Variants in PARD3 observed in about 807,000 individuals in gnomAD.
The protein encoded by PARD3 is par-3 family cell polarity regulator.
A neutral mutation model predicts 155.4 loss-of-function variants in PARD3; 75 were observed. The ratio of observed to expected loss-of-function variants is 0.48; its 90% CI spans 0.40 to 0.58. The LOEUF (loss-of-function observed/expected upper bound fraction) is 0.58, where lower values mean the gene tolerates loss of function less well. Ranked by LOEUF, PARD3 falls within the 20% of genes least tolerant of loss-of-function variation. The pLI is 0.00. For synonymous variants in PARD3, 576 were observed against 610.5 expected (o/e 0.94, Z 0.83); for missense variants, 1,642 against 1,721.7 (o/e 0.95, Z 0.82).
chr10:34,381,609 C>T (rs1186392321), intron 9 of PARD3, among the ~76,000 whole-genome samples: 3 of 151,872 alleles, frequency 2.0e-5, no homozygotes, highest in African/African-American at 4.8e-5. Flanking sequence ...AATCGGCAAT[C>T]GACATCATGA....
At chr10:34,738,803 C>T (rs1159615582) in intron 1 of PARD3, among the ~76,000 whole-genome samples, 1 of 152,026 alleles carries the variant, frequency 6.6e-6, no homozygotes, top group Non-Finnish European at 1.5e-5. Flanking sequence ...CAGAGTAAGA[C>T]CCTGTCTCAA....
chr10:34,177,021 T>C (rs1442944149), intron 22 of PARD3, among the ~76,000 whole-genome samples: 1 of 149,680 alleles, frequency 6.7e-6, no homozygotes, highest in Admixed American at 6.6e-5. Flanking sequence ...ACATGTGTGT[T>C]TGTGTGTCGG....
chr10:34,366,982 A>C (rs1034829459), intron 12 of PARD3, among the ~76,000 whole-genome samples: 10 of 152,216 alleles, frequency 6.6e-5, no homozygotes, highest in Admixed American at 3.9e-4. Context: ...CGAATGGTAG[A>C]TGCCAAATAC....
chr10:34,539,138 T>C (rs1043981881), intron 2 of PARD3, among the ~76,000 whole-genome samples: 3 of 152,168 alleles, frequency 2.0e-5, no homozygotes, highest in African/African-American at 7.2e-5. Flanking sequence ...TTACATCTTA[T>C]GACACATATT....
intron 1 of PARD3, among the ~76,000 whole-genome samples, chr10:34,783,822 A>G (rs1840593291): frequency 6.6e-6 from 1 of 151,850 alleles, no homozygotes; most frequent in South Asian, 2.1e-4. Context: ...TTTTTTTTCT[A>G]ACTACTTGGA....
At chr10:34,369,217 C>T (rs190980760) in intron 12 of PARD3, among the ~76,000 whole-genome samples, 4 of 152,138 alleles carry the variant, frequency 2.6e-5, no homozygotes, top group African/African-American at 7.2e-5. Context: ...ATCTGTGGGC[C>T]GCATGTGGTC....
At chr10:34,624,420 A>G (rs1283162284) in intron 2 of PARD3, among the ~76,000 whole-genome samples, 2 of 152,224 alleles carry the variant, frequency 1.3e-5, no homozygotes, top group East Asian at 1.9e-4. Context: ...TTTCAGACAA[A>G]TCGATTTCTG....
chr10:34,477,287 T>G (rs760265688), intron 3 of PARD3, among the ~76,000 whole-genome samples: 29 of 152,228 alleles, frequency 1.9e-4, no homozygotes, highest in Non-Finnish European at 3.2e-4. Context: ...ATCTTCTGAT[T>G]TATTTAATAT....
intron 22 of PARD3, among the ~76,000 whole-genome samples, chr10:34,231,266 CAAAA>C (rs57175956): frequency 1.7e-4 from 14 of 81,838 alleles, no homozygotes; most frequent in Admixed American, 3.2e-4. Context: ...TAATCTTAGG[CAAAA>C]AAAAAAAAAA....
Position 34,359,223 on chromosome 10 carries a change from C to T in PARD3, c.1991G>A (p.Arg664Lys). The T allele has an allele frequency of 2.5e-6, 4 of 1,613,752 alleles. No individual in the cohort carries two copies. Among genetic ancestry groups the T allele is most frequent in the Non-Finnish European group, 3.4e-6 (4 of 1,179,746 alleles). Residue 664 changes from arginine to lysine, a missense_variant, in exon 14 of 25, where the codon AGG (arginine) becomes AAG (lysine). Transcript: ENST00000374788. ...TNQDAMETLR[R>K]SMSTEGNKRG... is the part of the protein sequence containing the mutation. Reference sequence around the variant, plus strand: ...TTTATTGCCTTCAGTAGACATAGACCTTCTTAGGGTTTCCATGGCATCTTG... The same window carrying T: ...TTTATTGCCTTCAGTAGACATAGACTTTCTTAGGGTTTCCATGGCATCTTG...
At chr10:34,751,028 A>G (rs1168609938) in intron 1 of PARD3, among the ~76,000 whole-genome samples, 7 of 152,068 alleles carry the variant, frequency 4.6e-5, no homozygotes, top group Admixed American at 2.0e-4. Context: ...CTTACACTGT[A>G]TATTAGGAGT....
intron 9 of PARD3, among the ~76,000 whole-genome samples, chr10:34,380,827 A>AC (rs1480304460): frequency 2.6e-5 from 4 of 152,180 alleles, no homozygotes; most frequent in Non-Finnish European, 4.4e-5. Flanking sequence ...GTGAAGCAAA[A>AC]TACTGTACCT....
At chr10:34,792,242 C>T (rs947432712) in intron 1 of PARD3, among the ~76,000 whole-genome samples, 6 of 152,136 alleles carry the variant, frequency 3.9e-5, no homozygotes, top group African/African-American at 1.4e-4. Flanking sequence ...AGAATAGAGT[C>T]TACAGGCTCT....
chr10:34,201,406 G>A (rs1383270379), intron 22 of PARD3, among the ~76,000 whole-genome samples: 1 of 152,090 alleles, frequency 6.6e-6, no homozygotes, highest in Non-Finnish European at 1.5e-5. Flanking sequence ...TATAACAAAC[G>A]CAGATCCTTA....
chr10:34,660,787 C>T (rs1372592038), intron 2 of PARD3, among the ~76,000 whole-genome samples: 1 of 152,094 alleles, frequency 6.6e-6, no homozygotes, highest in African/African-American at 2.4e-5. Context: ...TCCTGCACAG[C>T]AAGAATGCAA....
intron 2 of PARD3, among the ~76,000 whole-genome samples, chr10:34,688,837 G>A (rs999010351): frequency 5.3e-5 from 8 of 152,092 alleles, no homozygotes; most frequent in African/African-American, 1.9e-4. Context: ...TTAAAATACT[G>A]CCTCTTCCCC....
chr10:34,589,423 A>G (rs80254271), intron 2 of PARD3, among the ~76,000 whole-genome samples: 10,510 of 152,154 alleles, frequency 0.069, 502 homozygotes, highest in Middle Eastern at 0.11. Context: ...CCCTAATCCA[A>G]TATGACTGGC....
intron 7 of PARD3, among the ~76,000 whole-genome samples, chr10:34,395,481 C>T (rs990402054): frequency 6.6e-5 from 10 of 151,974 alleles, no homozygotes; most frequent in Non-Finnish European, 7.4e-5. Context: ...AAACCGTGAA[C>T]GAATATAGAT....
intron 2 of PARD3, among the ~76,000 whole-genome samples, chr10:34,642,756 G>GGA (rs1374329722): frequency 6.6e-6 from 1 of 151,762 alleles, no homozygotes; most frequent in African/African-American, 2.4e-5. Context: ...CTCAAATCTG[G>GGA]CCACTTTGCC....
Sources: allele counts gnomAD v4.1 joint callset (sites outside exome capture counted in the v4.1 genomes callset), GRCh38; gene constraint gnomAD v4.1.1; transcripts MANE v1.5; gene names NCBI Gene and HGNC (gene_info 2026-07-23, HGNC 2026-07-21).